MPRIP: variants seen among roughly 807,000 people sequenced by gnomAD.
MPRIP encodes myosin phosphatase Rho interacting protein.
A neutral mutation model predicts 234.9 loss-of-function variants in MPRIP; 59 were observed. The observed-to-expected ratio is 0.25, with a 90% CI of 0.20 to 0.31. The LOEUF (loss-of-function observed/expected upper bound fraction) is 0.31. Among genes scored for constraint, MPRIP ranks in the 10% least tolerant of loss-of-function variants. The pLI is 1.00. For synonymous variants in MPRIP, 1,144 were observed against 1,263.9 expected (o/e 0.91, Z 2.01); for missense variants, 2,436 against 3,071.0 (o/e 0.79, Z 4.89).
chr17:17,056,917 G>T (rs1481926818), intron 1 of MPRIP, among the ~76,000 whole-genome samples: 1 of 152,218 alleles, frequency 6.6e-6, no homozygotes, highest in African/African-American at 2.4e-5. Context: ...TTGGCCTAAT[G>T]CTTTCAAGGT....
intron 10 of MPRIP, 42 bp from the exon 11 acceptor site, chr17:17,147,273 GTATA>G: frequency 1.3e-6 from 2 of 1,579,734 alleles, no homozygotes; most frequent in Non-Finnish European, 1.7e-6. Flanking sequence ...CAGGCATGCT[GTATA>G]GGAGTTGGTA....
intron 3 of MPRIP, among the ~76,000 whole-genome samples, chr17:17,084,312 G>A (rs1310648284): frequency 3.3e-5 from 5 of 152,208 alleles, no homozygotes; most frequent in Non-Finnish European, 1.5e-5. Flanking sequence ...TAAAGGCGGT[G>A]GGTGGTTGGG....
In MPRIP at chr17:17,138,025, G is replaced by A. The variant is rs146791467; in HGVS notation, c.846G>A (p.Gln282=). ...AACAGGACTTGAAGGCTGAAGAACA[G>A]CAGCTGCCCCCGCCGCTCTCCCCTC... ...KTKQDLKAEE[Q]QLPPPLSPPS... Residue 282 remains glutamine, a synonymous_variant, in exon 7 of 24, where the codon CAG becomes CAA. Transcript: ENST00000651222. This position sits in a 1 kb window ranked among gnomAD's most constrained non-coding sequence, Gnocchi z 5.8. 1.2e-3 allele frequency: 1,864 copies of A among 1,609,280 alleles called. 22 individuals carry two copies. In the African/African-American group the frequency reaches 0.022, roughly 19 times the overall value.
chr17:17,172,542 GA>G (rs1439720818), intron 17 of MPRIP, among the ~76,000 whole-genome samples, 155 bp from the exon 18 acceptor site: 29 of 152,306 alleles, frequency 1.9e-4, no homozygotes, highest in African/African-American at 5.8e-4. Flanking sequence ...ATTGGTTCAT[GA>G]GGGGCCAGCC....
At chr17:17,064,824 A>T (rs988463947) in intron 1 of MPRIP, among the ~76,000 whole-genome samples, 1 of 152,132 alleles carries the variant, frequency 6.6e-6, no homozygotes, top group Non-Finnish European at 1.5e-5. Context: ...AACCATTCAC[A>T]TGTAGTTTTT....
chr17:17,116,480 C>T (rs1054723955), intron 3 of MPRIP, among the ~76,000 whole-genome samples: 1 of 152,296 alleles, frequency 6.6e-6, no homozygotes, highest in East Asian at 1.9e-4. Context: ...TTGGCTTGGC[C>T]GGATCTATGT....
chr17:17,061,899 G>C (rs1360603369), intron 1 of MPRIP, among the ~76,000 whole-genome samples: 2 of 152,076 alleles, frequency 1.3e-5, no homozygotes, highest in African/African-American at 4.8e-5. Context: ...ACAAGTGTTG[G>C]GTGTATGTTC....
chr17:17,097,002 A>G (rs1280768717), intron 3 of MPRIP: 2 of 335,780 alleles, frequency 6.0e-6, no homozygotes, highest in Non-Finnish European at 1.2e-5. Flanking sequence ...TATCGTAGCC[A>G]GGCTGGCAGC....
intron 12 of MPRIP, among the ~76,000 whole-genome samples, chr17:17,153,814 C>G (rs2045663417): frequency 6.6e-6 from 1 of 152,120 alleles, no homozygotes; most frequent in African/African-American, 2.4e-5. Context: ...CCCTGATACC[C>G]CTTGTTCTTA....
chr17:17,095,928 A>AT (rs2089827985), intron 3 of MPRIP, among the ~76,000 whole-genome samples: 1 of 151,908 alleles, frequency 6.6e-6, no homozygotes, highest in African/African-American at 2.4e-5. Context: ...TCCCACTCAA[A>AT]GTTTACTTGA....
chr17:17,167,094 T>C lies in MPRIP; in HGVS notation c.5503T>C (p.Ser1835Pro). ...TTGTTTGGGAGGCCTCGGTCAGTAT[T>C]CTTCATTGTTGGTTCAGGATGCCAT... ...NTCLGGLGQY[S>P]SLLVQDAIIQ... Residue 1835 changes from serine (S) to proline (P), a missense_variant, in exon 16 of 24, where the codon TCT (serine) becomes CCT (proline). By Grantham distance (74) the Ser-to-Pro change is moderately conservative. This residue lies in a region of MPRIP where 1,998 missense variants were observed against 2,520.3 expected (regional missense o/e 0.79). Transcript: ENST00000651222. The surrounding 1 kb of genome is among the most constrained non-coding windows in gnomAD (Gnocchi z 5.9). 1 of 1,304,154 alleles carries C rather than the reference T, an allele frequency of 7.7e-7. No individual in the cohort carries two copies. The highest frequency in any genetic ancestry group is 1.2e-5 in the South Asian group (1 of 81,012). The allele number at this position is 1,304,154 out of a possible 1,614,324, so 80.8% of individuals were successfully genotyped here. A position where few individuals can be genotyped will look rare whatever the true frequency, so the allele number is the denominator to read the frequency against.
chr17:17,152,531 T>G (rs2045626505), intron 12 of MPRIP, among the ~76,000 whole-genome samples: 1 of 152,150 alleles, frequency 6.6e-6, no homozygotes. Flanking sequence ...GAAGGCTTCC[T>G]GGGGGAGGCT....
intron 20 of MPRIP, 31 bp from the exon 21 acceptor site, chr17:17,176,395 A>G (rs920516902): frequency 6.4e-7 from 1 of 1,561,456 alleles, no homozygotes; most frequent in Non-Finnish European, 8.8e-7. Context: ...TTGCTCCTGA[A>G]TATTGGTCCC....
intron 3 of MPRIP, among the ~76,000 whole-genome samples, chr17:17,123,105 A>G (rs1200369084): frequency 2.6e-5 from 4 of 152,262 alleles, no homozygotes; most frequent in Non-Finnish European, 5.9e-5. Flanking sequence ...AATCCTTGAA[A>G]ATATGCTAAA....
At chr17:17,114,517 T>C (rs1432405350) in intron 3 of MPRIP, among the ~76,000 whole-genome samples, 1 of 152,168 alleles carries the variant, frequency 6.6e-6, no homozygotes, top group Non-Finnish European at 1.5e-5. Flanking sequence ...TTTTCCTTGG[T>C]CTTCTGTGCA....
chr17:17,168,840 G>T (rs942088109), intron 16 of MPRIP: 4 of 456,842 alleles, frequency 8.8e-6, no homozygotes, highest in Non-Finnish European at 8.8e-6. Context: ...AGCCAGGCGC[G>T]CACACAGCCA....
intron 3 of MPRIP, among the ~76,000 whole-genome samples, chr17:17,097,622 A>T (rs956991349): frequency 6.6e-6 from 1 of 152,096 alleles, no homozygotes; most frequent in Non-Finnish European, 1.5e-5. Flanking sequence ...CGGACATCCA[A>T]GTTGTTTTCA....
At position 17,094,127 on chromosome 17, in the gene MPRIP, GT is replaced by G. The variant is rs535473445; in HGVS notation, c.267+16059del. ...GTTTGTTCGTTTTTGTTTTTGTGGGGTTTTTTTTGGTTTGTTTTTTGGTTTT... is the reference window on the plus strand; with the variant it reads ...GTTTGTTCGTTTTTGTTTTTGTGGGGTTTTTTTGGTTTGTTTTTTGGTTTT... On this transcript the variant is annotated intron_variant, in intron 3 of 23. Coordinates refer to ENST00000651222, the MANE Select transcript of MPRIP (RefSeq NM_001364716.4). Among the ~76,000 whole-genome samples the G allele has an allele frequency of 1.5e-3, 222 of 151,704 alleles. 2 individuals carry two copies. Among genetic ancestry groups the G allele is most frequent in the South Asian group, 0.014 (67 of 4,778 alleles).
chr17:17,164,800 G>T lies in MPRIP; in HGVS notation c.3209G>T (p.Ser1070Ile). The change falls in exon 16 of 24, where the codon AGC becomes ATC. Residue 1070 changes from serine to isoleucine, a missense_variant. Ser to Ile is a moderately radical substitution (Grantham distance 142). Coordinates refer to ENST00000651222, the MANE Select transcript of MPRIP (RefSeq NM_001364716.4). ...QVETLQKEKL[S>I]ATFEGSEQVH... The stretch of plus-strand genomic sequence containing the variant: ...GAGACCCTGCAGAAGGAGAAGCTGA[G>T]CGCCACTTTCGAGGGCAGTGAGCAG... 7.7e-7 allele frequency: 1 copy of T among 1,304,228 alleles called. No individual in the cohort carries two copies. Among genetic ancestry groups the T allele is most frequent in the Non-Finnish European group, 1.0e-6 (1 of 988,952 alleles). 80.8% of individuals were successfully genotyped at this position (1,304,228 alleles called of 1,614,324 possible). A position where few individuals can be genotyped will look rare whatever the true frequency, so the allele number is the denominator to read the frequency against.
Sources: allele counts gnomAD v4.1 joint callset (sites outside exome capture counted in the v4.1 genomes callset), GRCh38; gene constraint gnomAD v4.1.1; regional missense constraint gnomAD v4.1.1; non-coding constraint Gnocchi (gnomAD v3.1); transcripts MANE v1.5; gene names NCBI Gene and HGNC (gene_info 2026-07-23, HGNC 2026-07-21).